The following SHISA6 variants were observed in gnomAD, a reference collection of about 807,000 sequenced individuals.
SHISA6 encodes protein shisa-6.
A neutral mutation model predicts 47.9 loss-of-function variants in SHISA6; 22 were observed. The observed-to-expected ratio is 0.46, with a 90% CI of 0.33 to 0.66. The LOEUF (loss-of-function observed/expected upper bound fraction) is 0.66. Among genes scored for constraint, SHISA6 ranks in the 30% least tolerant of loss-of-function variants. The pLI is 0.02. For missense variants in SHISA6, 680 were observed against 764.6 expected, an observed-to-expected ratio of 0.89 and a Z score of 1.30; for synonymous variants, 388 against 337.8, an observed-to-expected ratio of 1.15 and a Z score of -1.63.
intron 3 of SHISA6, among the ~76,000 whole-genome samples, chr17:11,515,031 T>C (rs2071571324): frequency 6.6e-6 from 1 of 152,102 alleles, no homozygotes; most frequent in South Asian, 2.1e-4. Context: ...TGAAGCCCTG[T>C]GGACTTCCTT....
At position 11,241,335 on chromosome 17, in the gene SHISA6, G is replaced by T; in HGVS notation, c.-88G>T. ...GCTGACCGCTCAGCGCCTCCAGCCC[G>T]GCCCGCGCGGCGGGTCCTCCGAGCC... On this transcript the variant is annotated 5_prime_UTR_variant, in exon 1 of 6. Transcript: ENST00000441885. This position sits in a 1 kb window ranked among gnomAD's most constrained non-coding sequence, Gnocchi z 5.5. The T allele has an allele frequency of 2.3e-6, 2 of 855,636 alleles. No individual in the cohort carries two copies. The highest frequency in any genetic ancestry group is 5.2e-5 in the South Asian group (1 of 19,250). 53.0% of individuals were successfully genotyped at this position (855,636 alleles called of 1,614,324 possible).
intron 2 of SHISA6, among the ~76,000 whole-genome samples, chr17:11,271,101 C>T (rs577179243): frequency 7.3e-5 from 11 of 150,928 alleles, no homozygotes; most frequent in Non-Finnish European, 1.0e-4. Context: ...AGAGAAGAGG[C>T]GGGAAGGGTG....
chr17:11,260,359 T>TAAGTC (rs543037339), intron 1 of SHISA6, among the ~76,000 whole-genome samples: 54 of 152,258 alleles, frequency 3.5e-4, no homozygotes, highest in African/African-American at 1.3e-3. Context: ...AGGAGCATAC[T>TAAGTC]ACTAAGGTGA....
At chr17:11,375,798 G>A (rs1912779819) in intron 2 of SHISA6, among the ~76,000 whole-genome samples, 1 of 152,170 alleles carries the variant, frequency 6.6e-6, no homozygotes, top group Non-Finnish European at 1.5e-5. Context: ...CAGCGACTGA[G>A]CTAAAATAAA....
intron 3 of SHISA6, among the ~76,000 whole-genome samples, chr17:11,425,475 C>T (rs555649126): frequency 5.9e-5 from 9 of 152,240 alleles, no homozygotes; most frequent in African/African-American, 2.2e-4. Context: ...CCATTTCCAG[C>T]TTTTGTTCCT....
intron 1 of SHISA6, among the ~76,000 whole-genome samples, chr17:11,254,151 C>G (rs1039502527): frequency 5.3e-5 from 8 of 152,198 alleles, no homozygotes; most frequent in African/African-American, 1.9e-4. Flanking sequence ...CTTCTTTCAC[C>G]TTTGGAGGTT....
At chr17:11,508,134 A>T (rs953562521) in intron 3 of SHISA6, among the ~76,000 whole-genome samples, 3 of 152,238 alleles carry the variant, frequency 2.0e-5, no homozygotes, top group Admixed American at 6.5e-5. Flanking sequence ...AAAACCCTGG[A>T]CTGGAAGTCA....
In SHISA6 at chr17:11,350,152, C is replaced by T. The variant is rs867836477; in HGVS notation, c.800-29262C>T. Among the ~76,000 whole-genome samples, 5 of 139,536 alleles carry T rather than the reference C, an allele frequency of 3.6e-5. No homozygotes were observed. The South Asian group carries it at 7.6e-4, about 21-fold the overall frequency. The allele number at this position is 139,536 out of a possible 152,430, so 91.5% of individuals were successfully genotyped here. ...GATTACAGGCAGGCACCGCCATGCC[C>T]GGCTAATTTATTTATTTATTTATTT... On this transcript the variant is annotated intron_variant, in intron 2 of 5. Transcript: ENST00000441885.
At chr17:11,404,855 A>T (rs1913896726) in intron 3 of SHISA6, among the ~76,000 whole-genome samples, 1 of 152,166 alleles carries the variant, frequency 6.6e-6, no homozygotes, top group Admixed American at 6.5e-5. Context: ...CTACTACAAG[A>T]GGCAATGCAG....
In SHISA6 at chr17:11,279,536, G is replaced by A. The variant is rs148404294; in HGVS notation, c.799+16010G>A. On this transcript the variant is annotated intron_variant, in intron 2 of 5. Transcript: ENST00000441885. ...CTGCAATGCCCTGTGGTCCATGTGA[G>A]CCCTCTTCCTAAGAGGCTGTTACAT... Among the ~76,000 whole-genome samples, 577 of 152,162 alleles carry A rather than the reference G, an allele frequency of 3.8e-3. 6 individuals are homozygous for A. Among genetic ancestry groups the A allele is most frequent in the African/African-American group, 0.013 (549 of 41,490 alleles).
rs1018976165 is a variant in SHISA6, at chr17:11,543,418, A to G, written c.896-8478A>G. ...ATATGCAATCCCTAGAAGAGCCACT[A>G]AGAAAACAATTTTTAAAGTATAAAT... On this transcript the variant is annotated intron_variant, in intron 3 of 5. Transcript: ENST00000441885. Among the ~76,000 whole-genome samples the G allele has an allele frequency of 1.1e-4, 17 of 152,172 alleles. 1 individual carries two copies. Among genetic ancestry groups the G allele is most frequent in the Admixed American group, 7.9e-4 (12 of 15,268 alleles).
chr17:11,409,279 A>G (rs373948473), intron 3 of SHISA6, among the ~76,000 whole-genome samples: 1 of 152,226 alleles, frequency 6.6e-6, no homozygotes, highest in Non-Finnish European at 1.5e-5. Context: ...TACTAGTTAT[A>G]ATTATCTTTT....
At chr17:11,533,584 A>ATTTTTT (rs750072487) in intron 3 of SHISA6, among the ~76,000 whole-genome samples, 1 of 80,752 alleles carries the variant, frequency 1.2e-5, no homozygotes, top group African/African-American at 5.6e-5. Flanking sequence ...CTTCCCTTTC[A>ATTTTTT]TTATTTTTTT....
chr17:11,285,615 G>A (rs1451314085), intron 2 of SHISA6, among the ~76,000 whole-genome samples: 3 of 152,186 alleles, frequency 2.0e-5, no homozygotes, highest in Non-Finnish European at 4.4e-5. Flanking sequence ...AGGGACTGAT[G>A]GGACAGGAAT....
At chr17:11,304,249 C>T (rs1910027421) in intron 2 of SHISA6, among the ~76,000 whole-genome samples, 1 of 152,174 alleles carries the variant, frequency 6.6e-6, no homozygotes, top group East Asian at 1.9e-4. Context: ...GACGAAGGCA[C>T]TGGGGAGGTG....
At chr17:11,461,403 A>C (rs909066832) in intron 3 of SHISA6, among the ~76,000 whole-genome samples, 4 of 146,794 alleles carry the variant, frequency 2.7e-5, no homozygotes, top group Non-Finnish European at 1.5e-5. Flanking sequence ...TCTCAAAAAA[A>C]AAAAAAAAAA....
chr17:11,447,935 T>A (rs1446869164), intron 3 of SHISA6, among the ~76,000 whole-genome samples: 1 of 152,130 alleles, frequency 6.6e-6, no homozygotes, highest in Non-Finnish European at 1.5e-5. Context: ...GGGCAGTGGG[T>A]ACGGGCACTC....
chr17:11,291,165 C>T (rs899378701), intron 2 of SHISA6, among the ~76,000 whole-genome samples: 5 of 151,722 alleles, frequency 3.3e-5, no homozygotes, highest in Non-Finnish European at 7.4e-5. Context: ...AGTGAGAGTT[C>T]GGGACGGGGA....
Position 11,557,688 on chromosome 17 carries a change from TTCTA to T in SHISA6, c.1106-62_1106-59del, listed in dbSNP as rs1301906618. On this transcript the variant is annotated intron_variant, in intron 5 of 5. Transcript: ENST00000441885. ...GTGATGGAGCAGGAGCGGGGCAGGG[TTCTA>T]TCTGAGTCCTGGCTGCAGGGTCACC... The T allele has an allele frequency of 5.6e-6, 8 of 1,436,746 alleles. No individual in the cohort carries two copies. The African/African-American group carries it at 5.7e-5, about 10-fold the overall frequency. The allele number at this position is 1,436,746 out of a possible 1,614,324, so 89.0% of individuals were successfully genotyped here. A position where few individuals can be genotyped will look rare whatever the true frequency, so the allele number is the denominator to read the frequency against.
Sources: gnomAD v4.1 joint callset for allele counts (sites outside exome capture counted in the v4.1 genomes callset) on GRCh38, gnomAD v4.1.1 for gene constraint, Gnocchi (gnomAD v3.1) non-coding constraint, MANE v1.5 for transcripts, NCBI Gene and HGNC (gene_info 2026-07-23, HGNC 2026-07-21) for gene names.